RPS20: variants seen among roughly 807,000 people sequenced by gnomAD.
RPS20 encodes ribosomal protein S20.
A neutral mutation model predicts 15.3 loss-of-function variants in RPS20; 3 were observed. The observed-to-expected ratio is 0.20, with a 90% CI of 0.09 to 0.51. The LOEUF is 0.51. RPS20 is among the 20% of genes least tolerant of loss of function. The pLI is 0.96. For synonymous variants in RPS20, 62 were observed against 47.8 expected, an observed-to-expected ratio of 1.30 and a Z score of -1.23; for missense variants, 67 against 145.9, an observed-to-expected ratio of 0.46 and a Z score of 2.79.
exon 6 of RPS20, chr8:56,068,025 GT>G (rs1188614431): frequency 6.6e-6 from 1 of 152,166 alleles, no homozygotes; most frequent in Admixed American, 6.5e-5. Flanking sequence ...AAATGTATGA[GT>G]AAAATACGAT....
downstream of RPS20, chr8:56,068,192 C>T (rs1809659552): frequency 6.6e-6 from 1 of 152,092 alleles, no homozygotes; most frequent in African/African-American, 2.4e-5. Context: ...AATTTTCCAT[C>T]ATAAAGGAGT....
At chr8:56,070,441 G>C (rs1209334020), downstream of RPS20, among the ~76,000 whole-genome samples, 2 of 152,160 alleles carry the variant, frequency 1.3e-5, no homozygotes, top group Non-Finnish European at 2.9e-5. Context: ...GTCATGTGAA[G>C]AAATCTAATC....
At chr8:56,071,960 G>A (rs1251221020), downstream of RPS20, among the ~76,000 whole-genome samples, 1 of 152,052 alleles carries the variant, frequency 6.6e-6, no homozygotes, top group African/African-American at 2.4e-5. Context: ...TTAAATTCTA[G>A]GCTGGGTACA....
At chr8:56,073,306 T>C (rs748254952) in intron 3 of RPS20, 34 bp from the exon 4 acceptor site, 21 of 1,352,776 alleles carry the variant, frequency 1.6e-5, no homozygotes, top group Non-Finnish European at 2.2e-5. Flanking sequence ...CAAGTGTTTA[T>C]CGTTTTATAC....
Position 56,073,122 on chromosome 8 carries a change from C to T in RPS20, c.328G>A (p.Val110Ile). 6.3e-7 allele frequency: 1 copy of T among 1,597,474 alleles called. No homozygotes were observed. The highest frequency in any genetic ancestry group is 8.5e-7 in the Non-Finnish European group (1 of 1,179,410). ...TCTGCAATGGTGACTTCCACCTCAA[C>T]TCCTGGCTCAATACTGATGGAAGTA... ...QITSISIEPG[V>I]EVEVTIADA Residue 110 changes from valine to isoleucine, a missense_variant, in exon 4 of 4, where the codon GTT (valine) becomes ATT (isoleucine). Physicochemically the swap from Val to Ile is conservative, Grantham distance 29. Transcript: ENST00000009589.
downstream of RPS20, among the ~76,000 whole-genome samples, chr8:56,071,090 TTC>T (rs1352306633): frequency 1.3e-5 from 2 of 152,236 alleles, no homozygotes; most frequent in Non-Finnish European, 2.9e-5. Flanking sequence ...GTAATACAGG[TTC>T]TCAATTACGT....
chr8:56,070,347 G>T (rs1809717226), downstream of RPS20, among the ~76,000 whole-genome samples: 1 of 152,136 alleles, frequency 6.6e-6, no homozygotes, highest in African/African-American at 2.4e-5. Flanking sequence ...CCATCTGTCT[G>T]ACTGCATGGC....
At chr8:56,072,248 A>T (rs59916887), downstream of RPS20, among the ~76,000 whole-genome samples, 3,571 of 151,818 alleles carry the variant, frequency 0.024, 163 homozygotes, top group African/African-American at 0.083. Flanking sequence ...AAGTATTTTT[A>T]AAAAATGTAA....
chr8:56,072,790 C>T (rs1809801317), downstream of RPS20: 1 of 882,714 alleles, frequency 1.1e-6, no homozygotes, highest in Non-Finnish European at 1.4e-6. Context: ...GCATTACAAA[C>T]GCCCCAGAAA....
chr8:56,072,987 G>GGT, downstream of RPS20: 1 of 1,478,760 alleles, frequency 6.8e-7, no homozygotes, highest in East Asian at 2.3e-5. Context: ...CCTGAAAAGT[G>GGT]GAAGTCTCAT....
downstream of RPS20, among the ~76,000 whole-genome samples, chr8:56,070,748 A>C (rs1809730703): frequency 6.6e-6 from 1 of 151,956 alleles, no homozygotes; most frequent in Non-Finnish European, 1.5e-5. Flanking sequence ...AAAAAAAAAA[A>C]AAAAAAATTC....
chr8:56,074,486 G>T lies in RPS20; in HGVS notation c.-103C>A, dbSNP rs147031407. The T allele has an allele frequency of 1.5e-6, 2 of 1,292,160 alleles. No homozygotes were observed. The highest frequency in any genetic ancestry group is 2.1e-6 in the Non-Finnish European group (2 of 939,740). The allele number at this position is 1,292,160 out of a possible 1,614,324, so 80.0% of individuals were successfully genotyped here. On this transcript the variant is annotated 5_prime_UTR_variant, in exon 1 of 4. Coordinates refer to ENST00000009589, the MANE Select transcript of RPS20 (RefSeq NM_001023.4). ...CGGACCAAAAATCCTCAGCCCTTAC[G>T]ACCGCGTCTTCCTCAAAAAGAAAGG...
chr8:56,068,330 G>A (rs1163277835), downstream of RPS20: 3 of 152,088 alleles, frequency 2.0e-5, no homozygotes, highest in Admixed American at 2.0e-4. Flanking sequence ...CTGAGCTCAG[G>A]AGTTCGAGAC....
At chr8:56,071,056 A>C (rs1185915917), downstream of RPS20, among the ~76,000 whole-genome samples, 1 of 152,230 alleles carries the variant, frequency 6.6e-6, no homozygotes, top group Non-Finnish European at 1.5e-5. Context: ...CAGCAGTTTC[A>C]AATTTTTTAG....
downstream of RPS20, among the ~76,000 whole-genome samples, chr8:56,069,318 C>T (rs2129212234): frequency 6.6e-6 from 1 of 152,146 alleles, no homozygotes; most frequent in Non-Finnish European, 1.5e-5. Flanking sequence ...ATCCACTGCA[C>T]TTGGCAATCT....
chr8:56,074,048 G>T lies in RPS20; in HGVS notation c.103+12C>A. ...CAATTCCCCCTCCCCCCCGCATAACGAATGCACTGACCCTTTTCCAAGGAT... is the reference window on the plus strand; with the variant it reads ...CAATTCCCCCTCCCCCCCGCATAACTAATGCACTGACCCTTTTCCAAGGAT... On this transcript the variant is annotated intron_variant, in intron 2 of 3. Transcript: ENST00000009589. 1 of 1,602,096 alleles carries T rather than the reference G, an allele frequency of 6.2e-7. No individual in the cohort carries two copies.
rs2129213434 is a variant in RPS20, at chr8:56,074,164, T to C, written c.4-5A>G. 2.5e-6 allele frequency: 4 copies of C among 1,608,264 alleles called. No individual in the cohort carries two copies. The highest frequency in any genetic ancestry group is 2.5e-6 in the Non-Finnish European group (3 of 1,177,982). On this transcript the variant is annotated splice_polypyrimidine_tract_variant and splice_region_variant and intron_variant, in intron 1 of 3. Coordinates refer to ENST00000009589, the MANE Select transcript of RPS20 (RefSeq NM_001023.4). ...TTTTCCGGTATCCTTAAAAGCCTAT[T>C]ATTAGATACATGAAAAAGAACAATA...
At chr8:56,069,976 T>C (rs1175690921), downstream of RPS20, 11 of 643,514 alleles carry the variant, frequency 1.7e-5, no homozygotes, top group African/African-American at 5.4e-5. Context: ...AATCTAGAGA[T>C]GACAAATTAT....
At chr8:56,071,468 G>C (rs1169213900), downstream of RPS20, among the ~76,000 whole-genome samples, 3 of 152,168 alleles carry the variant, frequency 2.0e-5, no homozygotes, top group Non-Finnish European at 4.4e-5. Context: ...TCCAGACTCA[G>C]TTCCATTCAA....
Sources: allele counts gnomAD v4.1 joint callset (sites outside exome capture counted in the v4.1 genomes callset), GRCh38; gene constraint gnomAD v4.1.1; transcripts MANE v1.5; gene names NCBI Gene and HGNC (gene_info 2026-07-23, HGNC 2026-07-21).